Variants in SCYGR1 observed in about 807,000 individuals in gnomAD.
SCYGR1 encodes the protein small cysteine and glycine repeat containing 1.
At chr2:227,387,893 A>ACAGCCGCCACCG (rs1553529854) in exon 1 of SCYGR1, 5 of 382,542 alleles carry the variant, frequency 1.3e-5, no homozygotes, top group African/African-American at 4.3e-5. Context: ...AGCCACCACC[A>ACAGCCGCCACCG]CAGCCACCAC....
In SCYGR1 at chr2:227,387,859, A is replaced by G. The variant is rs1575029601; in HGVS notation, c.91T>C (p.Cys31Arg). Residue 31 changes from cysteine to arginine, a missense_variant, in exon 1 of 1, where the codon TGC (cysteine) becomes CGC (arginine). Cys to Arg is a radical substitution (Grantham distance 180, BLOSUM62 -3). Transcript: ENST00000641359. ...CTGGAGCAGCAGCCCACCCGGTAGCACCTGCAGGTGGTGCATCTGCCACAG... is the reference window on the plus strand; with the variant it reads ...CTGGAGCAGCAGCCCACCCGGTAGCGCCTGCAGGTGGTGCATCTGCCACAG... The G allele has an allele frequency of 1.0e-4, 39 of 391,846 alleles. No individual in the cohort carries two copies. The East Asian group carries it at 1.4e-3, about 14-fold the overall frequency. The allele number at this position is 391,846 out of a possible 1,614,324, so 24.3% of individuals were successfully genotyped here.
exon 1 of SCYGR1, chr2:227,387,922 C>A (rs1313389352): frequency 7.5e-6 from 3 of 402,140 alleles, no homozygotes; most frequent in Non-Finnish European, 1.3e-5. Context: ...CCACAGCCAC[C>A]ACAACCTCCA....
At chr2:227,387,725 A>G (rs2076508106) in exon 1 of SCYGR1, 1 of 398,808 alleles carries the variant, frequency 2.5e-6, no homozygotes. Flanking sequence ...TCTGCTGGCA[A>G]CAGCCCTTCC....
exon 1 of SCYGR1, chr2:227,387,687 C>A (rs2076507932): frequency 2.5e-6 from 1 of 398,996 alleles, no homozygotes; most frequent in East Asian, 3.6e-5. Context: ...TCCCTCCTAG[C>A]AACAGCATTG....
chr2:227,387,893 A>ACAGCCACCACAGCCACCACCG (rs796705586), exon 1 of SCYGR1: 5 of 382,542 alleles, frequency 1.3e-5, no homozygotes, highest in Admixed American at 5.1e-5. Flanking sequence ...AGCCACCACC[A>ACAGCCACCACAGCCACCACCG]CAGCCACCAC....
exon 1 of SCYGR1, chr2:227,387,904 C>A (rs372337888): frequency 3.1e-6 from 1 of 325,752 alleles, no homozygotes; most frequent in Non-Finnish European, 5.3e-6. Context: ...CAGCCACCAC[C>A]GCAGCCACCA....
At chr2:227,387,905 G>GCAGCCACCACCACAGCCACCACCA (rs2076509416) in exon 1 of SCYGR1, 1 of 394,154 alleles carries the variant, frequency 2.5e-6, no homozygotes, top group African/African-American at 2.1e-5. Flanking sequence ...AGCCACCACC[G>GCAGCCACCACCACAGCCACCACCA]CAGCCACCAC....
chr2:227,387,881 A>T, the SCYGR1 span: 1 of 400,188 alleles, frequency 2.5e-6, no homozygotes, highest in Non-Finnish European at 4.4e-6. Flanking sequence ...TGCATCTGCC[A>T]CAGCCACCAC....
rs1051912508 is a variant in SCYGR1 at position 227,387,878 on chromosome 2, G to GCCACAGCCACCA, written c.60_71dup (p.Gly21_Gly24dup). 1.7e-3 allele frequency: 593 copies of GCCACAGCCACCA among 350,376 alleles called. 1 individual carries two copies. Among genetic ancestry groups the GCCACAGCCACCA allele is most frequent in the Non-Finnish European group, 2.5e-3 (507 of 199,760 alleles). The allele number at this position is 350,376 out of a possible 1,614,324, so 21.7% of individuals were successfully genotyped here. Reference sequence around the variant, plus strand: ...GGTAGCACCTGCAGGTGGTGCATCTGCCACAGCCACCACCACAGCCACCAC... The same window carrying GCCACAGCCACCA: ...GGTAGCACCTGCAGGTGGTGCATCTGCCACAGCCACCACCACAGCCACCACCACAGCCACCAC... On this transcript the variant is annotated inframe_insertion, in exon 1 of 1. Transcript: ENST00000641359.
chr2:227,387,690 C>T, exon 1 of SCYGR1: 1 of 398,994 alleles, frequency 2.5e-6, no homozygotes, highest in East Asian at 3.6e-5. Context: ...CTCCTAGCAA[C>T]AGCATTGCTT....
rs144081324 is a variant in SCYGR1, at chr2:227,387,780, A to G, written c.170T>C (p.Ile57Thr). Residue 57 changes from isoleucine to threonine, a missense_variant, in exon 1 of 1, where the codon ATC becomes ACC. Transcript: ENST00000641359. ...GCTGCAGGTGCGGCGGCAGCAGCAG[A>G]TCACGGGAGTGCTGCAGCAGCCTCC... 2,205 of 399,090 alleles carry G rather than the reference A, an allele frequency of 5.5e-3. 30 individuals are homozygous for G. The highest frequency in any genetic ancestry group is 0.041 in the African/African-American group (1,986 of 48,742). The allele number at this position is 399,090 out of a possible 1,614,324, so 24.7% of individuals were successfully genotyped here.
chr2:227,387,912 C>T, exon 1 of SCYGR1: 1 of 355,778 alleles, frequency 2.8e-6, no homozygotes. Flanking sequence ...ACCGCAGCCA[C>T]CACAGCCACC....
At chr2:227,387,845 G>A (rs1013395735) in exon 1 of SCYGR1, 1 of 399,268 alleles carries the variant, frequency 2.5e-6, no homozygotes, top group Non-Finnish European at 4.4e-6. Context: ...TGGAGCAGCA[G>A]CCCACCCGGT....
exon 1 of SCYGR1, chr2:227,387,686 G>A (rs1575029546): frequency 5.0e-6 from 2 of 398,072 alleles, no homozygotes; most frequent in African/African-American, 2.1e-5. Context: ...GTCCCTCCTA[G>A]CAACAGCATT....
chr2:227,387,744 T>G, exon 1 of SCYGR1: 1 of 399,058 alleles, frequency 2.5e-6, no homozygotes, highest in Non-Finnish European at 4.4e-6. Context: ...CCCACAGCTG[T>G]AGCCACACGA....
At chr2:227,387,904 C>CCACCACCGCAGCCACCACT in the SCYGR1 span, 12 of 325,682 alleles carry the variant, frequency 3.7e-5, no homozygotes, top group Non-Finnish European at 5.8e-5. Flanking sequence ...CAGCCACCAC[C>CCACCACCGCAGCCACCACT]GCAGCCACCA....
At chr2:227,387,730 C>T (rs2076508120) in exon 1 of SCYGR1, 1 of 398,942 alleles carries the variant, frequency 2.5e-6, no homozygotes, top group Non-Finnish European at 4.4e-6. Flanking sequence ...TGGCAACAGC[C>T]CTTCCCACAG....
At chr2:227,387,769 G>GGCAGCAGCAGATCACGGGAGTGCT (rs2076508411) in exon 1 of SCYGR1, 1 of 398,852 alleles carries the variant, frequency 2.5e-6, no homozygotes, top group Non-Finnish European at 4.4e-6. Context: ...CAGGTGCGGC[G>GGCAGCAGCAGATCACGGGAGTGCT]GCAGCAGCAG....
At chr2:227,387,904 C>CCACCACCGCAGCCACCACA in the SCYGR1 span, 11 of 325,684 alleles carry the variant, frequency 3.4e-5, no homozygotes, top group Non-Finnish European at 5.3e-5. Context: ...CAGCCACCAC[C>CCACCACCGCAGCCACCACA]GCAGCCACCA....
Sources: allele counts gnomAD v4.1 joint callset, GRCh38; gene constraint gnomAD v4.1.1; transcripts MANE v1.5; gene names NCBI Gene and HGNC (gene_info 2026-07-23, HGNC 2026-07-21).